Variants in PTPRD observed in about 807,000 individuals in gnomAD.
PTPRD encodes receptor-type tyrosine-protein phosphatase delta.
In PTPRD, 34 loss-of-function variants were observed where a neutral mutation model predicts 214.5. The ratio of observed to expected loss-of-function variants is 0.16; its 90% CI spans 0.12 to 0.21. PTPRD has a LOEUF of 0.21. Ranked by LOEUF, PTPRD falls within the 10% of genes least tolerant of loss-of-function variation. The pLI is 1.00. For missense variants in PTPRD, 2,545 were observed against 2,398.7 expected (o/e 1.06, Z -1.27); for synonymous variants, 1,128 against 845.7 (o/e 1.33, Z -5.79).
At chr9:8,320,193 T>G (rs1029254969) in intron 44 of PTPRD, among the ~76,000 whole-genome samples, 3 of 152,066 alleles carry the variant, frequency 2.0e-5, no homozygotes, top group Non-Finnish European at 4.4e-5. Flanking sequence ...TAATAAAAGG[T>G]CTTTTCAATG....
chr9:9,209,123 G>A (rs546282821), intron 9 of PTPRD, among the ~76,000 whole-genome samples: 67 of 152,192 alleles, frequency 4.4e-4, no homozygotes, highest in Non-Finnish European at 9.1e-4. Flanking sequence ...TATAACTCCT[G>A]AAAGAATATA....
At chr9:9,055,361 C>G (rs909562877) in intron 10 of PTPRD, among the ~76,000 whole-genome samples, 4 of 152,144 alleles carry the variant, frequency 2.6e-5, no homozygotes, top group Non-Finnish European at 5.9e-5. Context: ...TAGATTTAGT[C>G]ATTTCACAAT....
At chr9:10,567,634 T>A (rs2066026784) in intron 2 of PTPRD, among the ~76,000 whole-genome samples, 1 of 152,048 alleles carries the variant, frequency 6.6e-6, no homozygotes, top group Admixed American at 6.6e-5. Flanking sequence ...TGGAATAAAC[T>A]GTAAAAATCA....
chr9:8,587,526 A>G (rs2093757944), intron 14 of PTPRD, among the ~76,000 whole-genome samples: 1 of 152,238 alleles, frequency 6.6e-6, no homozygotes, highest in South Asian at 2.1e-4. Flanking sequence ...TGTTTTGAGT[A>G]AAATGAGTAA....
intron 11 of PTPRD, among the ~76,000 whole-genome samples, chr9:8,901,000 C>T (rs1460164862): frequency 6.6e-6 from 1 of 151,934 alleles, no homozygotes; most frequent in East Asian, 1.9e-4. Context: ...GCATTGATAT[C>T]AGTAGGCTTT....
chr9:8,652,427 T>C (rs761916261), intron 12 of PTPRD, among the ~76,000 whole-genome samples: 26 of 152,340 alleles, frequency 1.7e-4, no homozygotes, highest in Non-Finnish European at 2.4e-4. Context: ...ACAGAAGCTG[T>C]GGCTGACAGC....
At chr9:9,492,292 G>A (rs1363321747) in intron 8 of PTPRD, among the ~76,000 whole-genome samples, 1 of 145,896 alleles carries the variant, frequency 6.9e-6, no homozygotes, top group Non-Finnish European at 1.5e-5. Context: ...AAAAACCCTG[G>A]ACCTGATGGA....
chr9:9,060,294 G>C (rs1183681403), intron 10 of PTPRD, among the ~76,000 whole-genome samples: 1 of 152,128 alleles, frequency 6.6e-6, no homozygotes, highest in African/African-American at 2.4e-5. Context: ...CATCAGAGCA[G>C]TAGGAAATGA....
intron 7 of PTPRD, among the ~76,000 whole-genome samples, chr9:9,651,106 G>A (rs1045556955): frequency 2.6e-5 from 4 of 152,092 alleles, no homozygotes; most frequent in Non-Finnish European, 5.9e-5. Flanking sequence ...TAATAACTGG[G>A]ATATCTCAGT....
At chr9:9,268,496 C>G (rs1290309080) in intron 9 of PTPRD, among the ~76,000 whole-genome samples, 3 of 150,948 alleles carry the variant, frequency 2.0e-5, no homozygotes, top group Non-Finnish European at 4.4e-5. Context: ...GCATTTTCCA[C>G]AGAAATAGAG....
intron 9 of PTPRD, among the ~76,000 whole-genome samples, chr9:9,319,399 C>T (rs577955861): frequency 1.2e-4 from 19 of 152,202 alleles, no homozygotes; most frequent in African/African-American, 3.4e-4. Flanking sequence ...GAAAATTAAA[C>T]TCAAACAATC....
chr9:8,382,987 G>A (rs185486659), intron 37 of PTPRD, among the ~76,000 whole-genome samples: 1 of 152,112 alleles, frequency 6.6e-6, no homozygotes, highest in South Asian at 2.1e-4. Flanking sequence ...AAACCAGAAG[G>A]GCCAAGAATT....
intron 2 of PTPRD, among the ~76,000 whole-genome samples, chr9:10,403,988 A>C (rs948924255): frequency 4.6e-5 from 7 of 151,698 alleles, no homozygotes; most frequent in African/African-American, 1.7e-4. Flanking sequence ...TCCTAATGGA[A>C]ACCATGGACT....
At chr9:9,754,109 G>A (rs1057002025) in intron 6 of PTPRD, among the ~76,000 whole-genome samples, 1 of 152,078 alleles carries the variant, frequency 6.6e-6, no homozygotes, top group Non-Finnish European at 1.5e-5. Flanking sequence ...AATATGCTCA[G>A]TAAAAACTGA....
intron 3 of PTPRD, among the ~76,000 whole-genome samples, chr9:10,271,189 C>T (rs1472932578): frequency 1.3e-5 from 2 of 152,072 alleles, no homozygotes; most frequent in South Asian, 2.1e-4. Flanking sequence ...TTTTCCCATA[C>T]TTGCATTTAA....
intron 2 of PTPRD, among the ~76,000 whole-genome samples, chr9:10,478,638 A>C (rs571344911): frequency 2.2e-4 from 33 of 152,232 alleles, no homozygotes; most frequent in African/African-American, 7.7e-4. Context: ...GAAAAACACT[A>C]AACTTTCCAT....
intron 3 of PTPRD, among the ~76,000 whole-genome samples, chr9:10,174,636 C>T (rs2099235103): frequency 6.6e-6 from 1 of 151,720 alleles, no homozygotes; most frequent in South Asian, 2.1e-4. Context: ...AATTTTTTTA[C>T]ATTTTGAAGT....
chr9:9,479,760 A>AC (rs2095319480), intron 8 of PTPRD, among the ~76,000 whole-genome samples: 1 of 151,930 alleles, frequency 6.6e-6, no homozygotes, highest in Non-Finnish European at 1.5e-5. Flanking sequence ...ACAAAACAAA[A>AC]AACTCTTAAA....
At chr9:8,764,597 A>G (rs2094591983) in intron 11 of PTPRD, among the ~76,000 whole-genome samples, 1 of 152,056 alleles carries the variant, frequency 6.6e-6, no homozygotes, top group Non-Finnish European at 1.5e-5. Context: ...GGAGTTCAAG[A>G]CTAGCCTGGC....
Sources: gnomAD v4.1 joint callset for allele counts (sites outside exome capture counted in the v4.1 genomes callset) on GRCh38, gnomAD v4.1.1 for gene constraint, MANE v1.5 for transcripts, NCBI Gene and HGNC (gene_info 2026-07-23, HGNC 2026-07-21) for gene names.